The following GRM7 variants were observed in gnomAD, a reference collection of about 807,000 sequenced individuals.
GRM7 encodes glutamate metabotropic receptor 7.
Under a neutral mutation model 84.5 loss-of-function variants are expected in GRM7, and 35 were observed. That is an observed-to-expected ratio of 0.41 (90% confidence interval 0.32 to 0.55). The LOEUF is 0.55. GRM7 is among the 20% of genes least tolerant of loss of function. The probability of loss-of-function intolerance (pLI) is 0.19; values close to 1 mark genes in which losing one functional copy is unlikely to be tolerated. For synonymous variants in GRM7, 487 were observed against 455.1 expected (o/e 1.07, Z -0.89); for missense variants, 1,003 against 1,194.6 (o/e 0.84, Z 2.36).
chr3:7,719,779 AAC>A (rs71043692), intron 9 of GRM7, among the ~76,000 whole-genome samples: 9,446 of 133,356 alleles, frequency 0.071, 395 homozygotes, highest in African/African-American at 0.12. Context: ...ACCACTGGGC[AAC>A]ACACACACAC....
chr3:7,200,613 C>T (rs997789392), intron 2 of GRM7, among the ~76,000 whole-genome samples: 2 of 152,158 alleles, frequency 1.3e-5, no homozygotes, highest in Admixed American at 1.3e-4. Context: ...GTGAAAGGAA[C>T]AGACTGCTGC....
rs577887652 is a variant in GRM7, at chr3:7,599,682, G to T, written c.2451+20325G>T. On this transcript the variant is annotated intron_variant, in intron 8 of 9. Coordinates refer to ENST00000357716, the MANE Select transcript of GRM7 (RefSeq NM_000844.4). Reference sequence around the variant, plus strand: ...AGTATTTTACAGCTTTATTACGGAGGGGGGATTGTCAGAAAGACAGATAAG... The same window carrying T: ...AGTATTTTACAGCTTTATTACGGAGTGGGGATTGTCAGAAAGACAGATAAG... Among the ~76,000 whole-genome samples the T allele has an allele frequency of 1.0e-3, 153 of 152,236 alleles. 2 individuals carry two copies. The highest frequency in any genetic ancestry group is 3.5e-3 in the African/African-American group (146 of 41,560).
chr3:7,420,798 G>A (rs1357749341), intron 5 of GRM7, among the ~76,000 whole-genome samples: 1 of 152,086 alleles, frequency 6.6e-6, no homozygotes, highest in East Asian at 1.9e-4. Context: ...CTTACAGAAA[G>A]GCTAAGGTAT....
chr3:7,484,164 G>T (rs901675041), intron 7 of GRM7, among the ~76,000 whole-genome samples: 9 of 152,156 alleles, frequency 5.9e-5, no homozygotes, highest in African/African-American at 2.2e-4. Flanking sequence ...TTATGGTAAG[G>T]TGCATTTAAC....
At chr3:7,028,989 A>G (rs1400793025) in intron 1 of GRM7, among the ~76,000 whole-genome samples, 2 of 152,186 alleles carry the variant, frequency 1.3e-5, no homozygotes, top group Non-Finnish European at 2.9e-5. Context: ...GTTGGTTCCT[A>G]TAAAAGTAAA....
intron 9 of GRM7, among the ~76,000 whole-genome samples, chr3:7,725,677 C>G (rs73809694): frequency 0.048 from 7,285 of 152,212 alleles, 617 homozygotes; most frequent in African/African-American, 0.17. Context: ...GTGTTCCCAC[C>G]GGGGTTTCTT....
At chr3:7,416,580 T>G (rs1696168816) in intron 5 of GRM7, among the ~76,000 whole-genome samples, 1 of 152,042 alleles carries the variant, frequency 6.6e-6, no homozygotes, top group Non-Finnish European at 1.5e-5. Flanking sequence ...TCAAGAAGTT[T>G]TCTGTGAAAA....
At chr3:7,457,778 A>C (rs4470490) in intron 6 of GRM7, among the ~76,000 whole-genome samples, 1 of 152,178 alleles carries the variant, frequency 6.6e-6, no homozygotes, top group African/African-American at 2.4e-5. Flanking sequence ...GAAGAAGCTT[A>C]GATGCCCCAC....
chr3:7,306,715 G>T, intron 4 of GRM7, 63 bp downstream of exon 4: 2 of 1,387,226 alleles, frequency 1.4e-6, no homozygotes, highest in South Asian at 1.4e-5. Flanking sequence ...GAATGGCCAA[G>T]CATGTGACTT....
intron 5 of GRM7, among the ~76,000 whole-genome samples, chr3:7,427,901 A>G (rs1696677102): frequency 1.3e-5 from 2 of 152,224 alleles, no homozygotes; most frequent in African/African-American, 4.8e-5. Context: ...AGAAAATGGC[A>G]GAGCCAGAAT....
intron 2 of GRM7, among the ~76,000 whole-genome samples, chr3:7,235,656 G>A (rs1697326155): frequency 6.6e-6 from 1 of 152,098 alleles, no homozygotes; most frequent in Non-Finnish European, 1.5e-5. Flanking sequence ...TTAACACATT[G>A]CAGAAAAAAT....
chr3:7,425,953 C>T (rs1217167719), intron 5 of GRM7, among the ~76,000 whole-genome samples: 1 of 152,050 alleles, frequency 6.6e-6, no homozygotes, highest in African/African-American at 2.4e-5. Flanking sequence ...TCAATAGATT[C>T]TTTCTTTCCT....
At chr3:7,544,552 C>T (rs1693046022) in intron 7 of GRM7, among the ~76,000 whole-genome samples, 1 of 152,102 alleles carries the variant, frequency 6.6e-6, no homozygotes, top group Non-Finnish European at 1.5e-5. Context: ...GCCCTATGTC[C>T]CATCTGTAAA....
intron 1 of GRM7, among the ~76,000 whole-genome samples, chr3:6,882,588 A>T (rs1253389284): frequency 6.6e-6 from 1 of 152,210 alleles, no homozygotes; most frequent in East Asian, 1.9e-4. Flanking sequence ...AAATCCCATT[A>T]TCCCATTTCC....
chr3:7,372,197 A>G (rs1694166975), intron 4 of GRM7, among the ~76,000 whole-genome samples: 1 of 152,152 alleles, frequency 6.6e-6, no homozygotes, highest in South Asian at 2.1e-4. Context: ...GGAAGGAGGA[A>G]CGGTTTGTGG....
chr3:7,247,935 A>G (rs905454015), intron 2 of GRM7, among the ~76,000 whole-genome samples: 8 of 152,162 alleles, frequency 5.3e-5, no homozygotes, highest in Admixed American at 2.0e-4. Flanking sequence ...AACTACAACT[A>G]CAAACAACAG....
chr3:7,275,770 G>A (rs1470649298), intron 2 of GRM7, among the ~76,000 whole-genome samples: 2 of 152,154 alleles, frequency 1.3e-5, no homozygotes, highest in East Asian at 1.9e-4. Context: ...GGAGACATGA[G>A]GGGATTTTTC....
intron 2 of GRM7, among the ~76,000 whole-genome samples, chr3:7,228,026 A>G (rs1246043516): frequency 3.3e-5 from 5 of 152,182 alleles, no homozygotes; most frequent in African/African-American, 1.2e-4. Context: ...TTTCTTTTCA[A>G]TTAGTTCTAA....
At chr3:7,177,122 CT>C (rs35039009) in intron 2 of GRM7, among the ~76,000 whole-genome samples, 3 of 151,410 alleles carry the variant, frequency 2.0e-5, no homozygotes, top group East Asian at 1.9e-4. Context: ...CTAACTCTGC[CT>C]TTTTTTTTAA....
Sources: gnomAD v4.1 joint callset for allele counts (sites outside exome capture counted in the v4.1 genomes callset) on GRCh38, gnomAD v4.1.1 for gene constraint, MANE v1.5 for transcripts, NCBI Gene and HGNC (gene_info 2026-07-23, HGNC 2026-07-21) for gene names.